ZNF76: variants seen among roughly 807,000 people sequenced by gnomAD.
ZNF76 encodes zinc finger protein 523.
Under a neutral mutation model 66.9 loss-of-function variants are expected in ZNF76, and 66 were observed. The ratio of observed to expected loss-of-function variants is 0.99; its 90% CI spans 0.81 to 1.21. ZNF76 has a LOEUF of 1.21. Ranked by LOEUF, ZNF76 falls within the 50% of genes most tolerant of loss-of-function variation. The probability of loss-of-function intolerance (pLI) is 0.00; values close to 1 mark genes in which losing one functional copy is unlikely to be tolerated. For synonymous variants in ZNF76, 275 were observed against 296.1 expected, an observed-to-expected ratio of 0.93 and a Z score of 0.73; for missense variants, 729 against 760.3, an observed-to-expected ratio of 0.96 and a Z score of 0.48.
At chr6:35,288,050 C>T (rs1327736995) in intron 5 of ZNF76, 1 of 714,022 alleles carries the variant, frequency 1.4e-6, no homozygotes, top group Non-Finnish European at 2.5e-6. Context: ...GCATGCAACA[C>T]AGCCTGGCCT....
intron 1 of ZNF76, among the ~76,000 whole-genome samples, chr6:35,269,792 C>T (rs965541104): frequency 1.3e-5 from 2 of 152,354 alleles, no homozygotes; most frequent in African/African-American, 2.4e-5. Flanking sequence ...GCCACCACTT[C>T]GTCCAGACCC....
At chr6:35,260,052 A>G (rs981423367) in intron 1 of ZNF76, among the ~76,000 whole-genome samples, 1 of 150,504 alleles carries the variant, frequency 6.6e-6, no homozygotes, top group African/African-American at 2.4e-5. Context: ...TGACTCCCAA[A>G]CCTCACCCCG....
At position 35,287,631 on chromosome 6, in the gene ZNF76, G is replaced by A. The variant is rs777930177; in HGVS notation, c.233-15G>A. 1.6e-5 allele frequency: 25 copies of A among 1,597,062 alleles called. No homozygotes were observed. In the African/African-American group the frequency reaches 1.6e-4, roughly 10 times the overall value. On this transcript the variant is annotated splice_polypyrimidine_tract_variant and intron_variant, in intron 4 of 13. Coordinates refer to ENST00000373953, the MANE Select transcript of ZNF76 (RefSeq NM_003427.5). This position sits in a 1 kb window ranked among gnomAD's most constrained non-coding sequence, Gnocchi z 4.0. ...CCCTTGTGTGGCATCAGGGCTAACCGCGTGTTCCCTGCAGAAGGCTATGAC... is the reference window on the plus strand; with the variant it reads ...CCCTTGTGTGGCATCAGGGCTAACCACGTGTTCCCTGCAGAAGGCTATGAC...
At chr6:35,291,985 C>T (rs573920015) in intron 9 of ZNF76, 2 of 566,512 alleles carry the variant, frequency 3.5e-6, no homozygotes, top group Admixed American at 3.1e-5. Context: ...CCCTACCACC[C>T]CTCTACACCC....
At chr6:35,285,926 C>CT (rs397757781) in intron 2 of ZNF76, among the ~76,000 whole-genome samples, 2 of 8,320 alleles carry the variant, frequency 2.4e-4, no homozygotes, top group Non-Finnish European at 6.0e-4. Context: ...GTGATGGGTT[C>CT]GGCAAGGCAA....
intron 1 of ZNF76, among the ~76,000 whole-genome samples, chr6:35,276,883 G>A (rs563862913): frequency 1.4e-4 from 20 of 141,550 alleles, no homozygotes; most frequent in Non-Finnish European, 2.4e-4. Context: ...TGCAACCTCC[G>A]CCTCCTGGGT....
At chr6:35,283,554 C>T (rs550937912) in intron 2 of ZNF76, among the ~76,000 whole-genome samples, 2 of 152,370 alleles carry the variant, frequency 1.3e-5, no homozygotes, top group Admixed American at 1.3e-4. Context: ...GGTCACCTCT[C>T]TGTAATGGGA....
rs1789794476 is a variant in ZNF76 at position 35,287,822 on chromosome 6, GC to G, written c.412del (p.Leu138TrpfsTer45). On this transcript the variant is annotated frameshift_variant, in exon 5 of 14. Transcript: ENST00000373953. LOFTEE classifies it high-confidence loss of function. The surrounding 1 kb of genome is among the most constrained non-coding windows in gnomAD (Gnocchi z 4.0). ...GGGCTTCAGTGCAGACGCAGTGGTG[GC>G]CCTGGAGCAGTATGCCAGCAAGGTG... ...DEGFSADAVV[A>X]LEQYASKVLH... is the part of the protein sequence containing the mutation. 4 of 1,603,830 alleles carry G rather than the reference GC, an allele frequency of 2.5e-6. No homozygotes were observed. The highest frequency in any genetic ancestry group is 2.6e-6 in the Non-Finnish European group (3 of 1,175,292).
intron 2 of ZNF76, among the ~76,000 whole-genome samples, chr6:35,285,205 G>A (rs141440665): frequency 6.6e-5 from 10 of 152,280 alleles, no homozygotes; most frequent in African/African-American, 2.2e-4. Context: ...TATGCTGCTT[G>A]TTGTGTTGCC....
At chr6:35,290,228 G>T (rs772491594) in intron 5 of ZNF76, 38 bp from the exon 6 acceptor site, 2 of 1,611,650 alleles carry the variant, frequency 1.2e-6, no homozygotes, top group East Asian at 4.5e-5. Context: ...TCTTCACTGG[G>T]GAGAATACAT....
At chr6:35,283,172 C>T (rs147197537) in intron 2 of ZNF76, among the ~76,000 whole-genome samples, 65 of 152,318 alleles carry the variant, frequency 4.3e-4, no homozygotes, top group African/African-American at 1.3e-3. Context: ...TTATATCTAT[C>T]CTTCTTACGT....
In ZNF76 at chr6:35,281,181, C is replaced by T; in HGVS notation, c.30C>T (p.Thr10=). Residue 10 remains threonine (T), a synonymous_variant, in exon 2 of 14, where the codon ACC becomes ACT. Coordinates refer to ENST00000373953, the MANE Select transcript of ZNF76 (RefSeq NM_003427.5). ...AGAGCTTGGGGCTGCACACGGTGAC[C>T]CTTAGTGATGGGACAACAGCCTACG... The part of the protein sequence containing the change: MESLGLHTV[T]LSDGTTAYVQ... 6.2e-7 allele frequency: 1 copy of T among 1,613,902 alleles called. No homozygotes were observed. The highest frequency in any genetic ancestry group is 8.5e-7 in the Non-Finnish European group (1 of 1,180,024).
chr6:35,265,207 TAGAA>T (rs1785823961), intron 1 of ZNF76, among the ~76,000 whole-genome samples: 1 of 151,742 alleles, frequency 6.6e-6, no homozygotes, highest in South Asian at 2.1e-4. Context: ...AGAAGGGAGA[TAGAA>T]AGTGCCAGGA....
At position 35,269,710 on chromosome 6, in the gene ZNF76, ATCT is replaced by A. The variant is rs1203244243; in HGVS notation, c.-97+9873_-97+9875del. On this transcript the variant is annotated intron_variant, in intron 1 of 13. Coordinates refer to ENST00000373953, the MANE Select transcript of ZNF76 (RefSeq NM_003427.5). Reference sequence around the variant, plus strand: ...AGACCAGAGTTCTTTCTCTGAGATCATCTTCTCAACCCAGGAAATACTGTCCTG... The same window carrying A: ...AGACCAGAGTTCTTTCTCTGAGATCATCTCAACCCAGGAAATACTGTCCTG... 4.6e-5 allele frequency among the ~76,000 whole-genome samples: 7 copies of A among 152,340 alleles called. No homozygotes were observed. The South Asian group carries it at 1.4e-3, about 32-fold the overall frequency.
chr6:35,266,304 C>T (rs1399423125), intron 1 of ZNF76, among the ~76,000 whole-genome samples: 3 of 152,066 alleles, frequency 2.0e-5, no homozygotes, highest in African/African-American at 7.2e-5. Flanking sequence ...AGGTGCATGC[C>T]AGCGCACCCG....
chr6:35,292,378 T>C lies in ZNF76; in HGVS notation c.932-176T>C, dbSNP rs2150377109. 1.5e-6 allele frequency: 1 copy of C among 662,784 alleles called. No individual in the cohort carries two copies. Among genetic ancestry groups the C allele is most frequent in the South Asian group, 1.8e-5 (1 of 55,710 alleles). The allele number at this position is 662,784 out of a possible 1,614,324, so 41.1% of individuals were successfully genotyped here. The stretch of plus-strand genomic sequence containing the variant: ...TGGATTCAGTGGTTCAACACCTGTG[T>C]CCTCTCTGTGTTCCACTGGCCATCT... On this transcript the variant is annotated intron_variant, in intron 9 of 13. Transcript: ENST00000373953. The surrounding 1 kb of genome is among the most constrained non-coding windows in gnomAD (Gnocchi z 4.7).
At chr6:35,277,263 G>A (rs1175292473) in intron 1 of ZNF76, among the ~76,000 whole-genome samples, 1 of 152,184 alleles carries the variant, frequency 6.6e-6, no homozygotes, top group Non-Finnish European at 1.5e-5. Flanking sequence ...GGGACCACGT[G>A]GAGGTTATCA....
At chr6:35,294,370 C>A in intron 12 of ZNF76, 86 bp from the exon 13 acceptor site, 1 of 927,904 alleles carries the variant, frequency 1.1e-6, no homozygotes, top group Non-Finnish European at 1.8e-6. Context: ...TTGTTCCCAG[C>A]ACCTTAATTG....
chr6:35,291,742 G>A lies in ZNF76; in HGVS notation c.931+5G>A, dbSNP rs746943727. ...ATCACGTGCGCATCCACACAGGTGG[G>A]CTAGCTGGCATGCGAGGACTACCCT... On this transcript the variant is annotated splice_donor_5th_base_variant and intron_variant, in intron 9 of 13. Transcript: ENST00000373953. 3 of 1,605,308 alleles carry A rather than the reference G, an allele frequency of 1.9e-6. No homozygotes were observed. Among genetic ancestry groups the A allele is most frequent in the South Asian group, 2.2e-5 (2 of 91,074 alleles).
Sources: allele counts gnomAD v4.1 joint callset (sites outside exome capture counted in the v4.1 genomes callset), GRCh38; gene constraint gnomAD v4.1.1; non-coding constraint Gnocchi (gnomAD v3.1); transcripts MANE v1.5; gene names NCBI Gene and HGNC (gene_info 2026-07-23, HGNC 2026-07-21).